Variants in SLC1A1 observed in about 807,000 individuals in gnomAD.
SLC1A1 encodes solute carrier family 1 member 1.
SLC1A1 carries 43 observed loss-of-function variants against 53.3 expected under a neutral mutation model. That is an observed-to-expected ratio of 0.81 (90% CI 0.63 to 1.04). The LOEUF is 1.04. Among genes scored for constraint, SLC1A1 ranks in the 50% least tolerant of loss-of-function variants. The probability of loss-of-function intolerance (pLI) is 0.00; values close to 1 mark genes in which losing one functional copy is unlikely to be tolerated. For missense variants in SLC1A1, 748 were observed against 664.9 expected (o/e 1.12, Z -1.37); for synonymous variants, 307 against 243.2 (o/e 1.26, Z -2.44).
At chr9:4,511,176 G>T (rs538068912) in intron 1 of SLC1A1, among the ~76,000 whole-genome samples, 1 of 152,300 alleles carries the variant, frequency 6.6e-6, no homozygotes, top group East Asian at 1.9e-4. Context: ...TCTGGCTGCT[G>T]TAACAACATC....
intron 5 of SLC1A1, among the ~76,000 whole-genome samples, chr9:4,566,406 G>A: frequency 6.6e-6 from 1 of 152,144 alleles, no homozygotes; most frequent in East Asian, 1.9e-4. Context: ...ACCTATTTTT[G>A]GAGAACCATA....
rs577266428 is a variant in SLC1A1, at chr9:4,529,690, T to G, written c.92-14877T>G. ...CTGCCATCAGTCAAAATGAAACTTT[T>G]TTTGTGTGTGTGTGTGTGTTGTAGA... On this transcript the variant is annotated intron_variant, in intron 1 of 11. Coordinates refer to ENST00000262352, the MANE Select transcript of SLC1A1 (RefSeq NM_004170.6). 6.0e-3 allele frequency among the ~76,000 whole-genome samples: 907 copies of G among 151,398 alleles called. 5 individuals are homozygous for G. Among genetic ancestry groups the G allele is most frequent in the Non-Finnish European group, 9.3e-3 (629 of 67,946 alleles).
intron 1 of SLC1A1, among the ~76,000 whole-genome samples, chr9:4,541,594 A>G (rs1817015127): frequency 6.6e-6 from 1 of 152,230 alleles, no homozygotes; most frequent in South Asian, 2.1e-4. Flanking sequence ...AGTAATTTAT[A>G]ACACTTTACC....
chr9:4,503,503 G>A (rs77404155), intron 1 of SLC1A1, among the ~76,000 whole-genome samples: 3,375 of 151,842 alleles, frequency 0.022, 243 homozygotes, highest in African/African-American at 0.079. Context: ...CATGCTGTGG[G>A]CCTTCAAAGA....
At chr9:4,568,661 A>C (rs1586821729) in intron 6 of SLC1A1, among the ~76,000 whole-genome samples, 1 of 150,664 alleles carries the variant, frequency 6.6e-6, no homozygotes, top group African/African-American at 2.4e-5. Flanking sequence ...GCACCACTGC[A>C]CTCAGCCTGG....
chr9:4,501,505 C>T (rs949294144), intron 1 of SLC1A1, among the ~76,000 whole-genome samples: 1 of 151,678 alleles, frequency 6.6e-6, no homozygotes, highest in African/African-American at 2.4e-5. Flanking sequence ...GTGCTCACGC[C>T]TGTAATCCCA....
chr9:4,573,831 G>C (rs959660573), intron 7 of SLC1A1, 76 bp from the exon 8 acceptor site: 17 of 983,716 alleles, frequency 1.7e-5, no homozygotes, highest in African/African-American at 3.2e-5. Flanking sequence ...CCACACTGGA[G>C]TGTTCCTTCC....
At chr9:4,543,011 A>C (rs186562928) in intron 1 of SLC1A1, among the ~76,000 whole-genome samples, 16 of 152,342 alleles carry the variant, frequency 1.1e-4, no homozygotes, top group African/African-American at 1.7e-4. Flanking sequence ...CACAAAATAG[A>C]GATCAAGGCA....
intron 1 of SLC1A1, among the ~76,000 whole-genome samples, chr9:4,535,654 A>G (rs9777096): frequency 0.42 from 63,881 of 151,676 alleles, 14,158 homozygotes; most frequent in Admixed American, 0.49. Context: ...TATAGATTCA[A>G]TGCCATCCCC....
At chr9:4,543,873 T>C (rs1481495972) in intron 1 of SLC1A1, among the ~76,000 whole-genome samples, 1 of 152,124 alleles carries the variant, frequency 6.6e-6, no homozygotes, top group Non-Finnish European at 1.5e-5. Flanking sequence ...CAAACTGATA[T>C]GTAAACTATA....
intron 6 of SLC1A1, among the ~76,000 whole-genome samples, chr9:4,569,817 T>C (rs1819854592): frequency 1.3e-5 from 2 of 152,174 alleles, no homozygotes; most frequent in African/African-American, 2.4e-5. Context: ...CCTTTTGATG[T>C]TGTTCCACAA....
At chr9:4,555,522 C>T (rs748250130) in intron 2 of SLC1A1, among the ~76,000 whole-genome samples, 1 of 152,198 alleles carries the variant, frequency 6.6e-6, no homozygotes, top group Non-Finnish European at 1.5e-5. Flanking sequence ...TGGGAGCCAA[C>T]ACCCTTGCTC....
intron 4 of SLC1A1, among the ~76,000 whole-genome samples, chr9:4,564,801 TA>T (rs1819324133): frequency 6.6e-6 from 1 of 152,130 alleles, no homozygotes; most frequent in Non-Finnish European, 1.5e-5. Context: ...CTCTCTTATC[TA>T]AAGCAACCAG....
At chr9:4,579,252 G>T (rs937031097) in intron 10 of SLC1A1, among the ~76,000 whole-genome samples, 4 of 152,198 alleles carry the variant, frequency 2.6e-5, no homozygotes, top group Non-Finnish European at 5.9e-5. Context: ...TTGAAACCTT[G>T]AATCATGCCT....
intron 11 of SLC1A1, 92 bp from the exon 12 acceptor site, chr9:4,585,220 C>A: frequency 6.4e-7 from 1 of 1,552,594 alleles, no homozygotes; most frequent in Non-Finnish European, 8.9e-7. Flanking sequence ...TTACTGAAAT[C>A]TAAACTGAAC....
intron 2 of SLC1A1, among the ~76,000 whole-genome samples, chr9:4,546,787 G>A (rs989635624): frequency 6.6e-6 from 1 of 152,210 alleles, no homozygotes; most frequent in Non-Finnish European, 1.5e-5. Flanking sequence ...ATGAGCCACT[G>A]CATCCAGCCC....
At chr9:4,565,121 T>C (rs1423228023) in intron 4 of SLC1A1, among the ~76,000 whole-genome samples, 1 of 152,220 alleles carries the variant, frequency 6.6e-6, no homozygotes, top group Non-Finnish European at 1.5e-5. Flanking sequence ...CAGTTTTTCT[T>C]TTTAATTTCA....
chr9:4,524,683 C>T (rs1423329099), intron 1 of SLC1A1, among the ~76,000 whole-genome samples: 1 of 152,092 alleles, frequency 6.6e-6, no homozygotes, highest in Non-Finnish European at 1.5e-5. Context: ...AAAGTCATCT[C>T]ATCTTGGGCC....
At position 4,521,177 on chromosome 9, in the gene SLC1A1, T is replaced by C. The variant is rs1056469080; in HGVS notation, c.92-23390T>C. 4.6e-5 allele frequency among the ~76,000 whole-genome samples: 7 copies of C among 152,354 alleles called. No homozygotes were observed. In the South Asian group the frequency reaches 1.0e-3, roughly 23 times the overall value. ...TTATGTATTCTAGACCCTTACCAGA[T>C]ACATAATTTGCACACTTCTCTTTTT... On this transcript the variant is annotated intron_variant, in intron 1 of 11. Transcript: ENST00000262352.
Sources: gnomAD v4.1 joint callset for allele counts (sites outside exome capture counted in the v4.1 genomes callset) on GRCh38, gnomAD v4.1.1 for gene constraint, MANE v1.5 for transcripts, NCBI Gene and HGNC (gene_info 2026-07-23, HGNC 2026-07-21) for gene names.